Variants in GALNT13 observed in about 807,000 individuals in gnomAD.
The protein encoded by GALNT13 is UDP-GalNAc:polypeptide N-acetylgalactosaminyltransferase 13.
A neutral mutation model predicts 64.2 loss-of-function variants in GALNT13; 28 were observed. The ratio of observed to expected loss-of-function variants is 0.44; its 90% CI spans 0.32 to 0.60. GALNT13 has a LOEUF of 0.60. Among genes scored for constraint, GALNT13 ranks in the 20% least tolerant of loss-of-function variants. The probability of loss-of-function intolerance (pLI) is 0.05; values close to 1 mark genes in which losing one functional copy is unlikely to be tolerated. For missense variants in GALNT13, 577 were observed against 669.8 expected (o/e 0.86, Z 1.53); for synonymous variants, 214 against 224.6 (o/e 0.95, Z 0.42).
the GALNT13 span, among the ~76,000 whole-genome samples, chr2:153,345,646 T>TCTTC: frequency 2.5e-5 from 3 of 118,342 alleles, no homozygotes; most frequent in East Asian, 7.5e-4. Flanking sequence ...TTTCTTTCTT[T>TCTTC]CTTTCTTTCT....
At chr2:153,309,316 G>A in the GALNT13 span, among the ~76,000 whole-genome samples, 1 of 152,170 alleles carries the variant, frequency 6.6e-6, no homozygotes, top group South Asian at 2.1e-4. Context: ...ATTGATGTAA[G>A]AGTTAAGAGA....
chr2:153,117,726 C>G, the GALNT13 span, among the ~76,000 whole-genome samples: 2 of 152,244 alleles, frequency 1.3e-5, no homozygotes, highest in South Asian at 4.1e-4. Context: ...CTTGAATTTC[C>G]TGTAGACACC....
the GALNT13 span, among the ~76,000 whole-genome samples, chr2:153,449,075 G>T: frequency 3.9e-5 from 6 of 151,980 alleles, no homozygotes; most frequent in Non-Finnish European, 8.8e-5. Context: ...TCTCTCCTGT[G>T]CATGTACCAA....
chr2:153,557,319 C>T, the GALNT13 span, among the ~76,000 whole-genome samples: 1 of 152,178 alleles, frequency 6.6e-6, no homozygotes, highest in Admixed American at 6.5e-5. Flanking sequence ...GTTTGTGTAA[C>T]TATACTCTAT....
At chr2:153,852,835 C>T in the GALNT13 span, among the ~76,000 whole-genome samples, 1 of 152,094 alleles carries the variant, frequency 6.6e-6, no homozygotes, top group Non-Finnish European at 1.5e-5. Flanking sequence ...CACACAAAGG[C>T]TTGTTGTATT....
chr2:153,333,086 C>G, the GALNT13 span, among the ~76,000 whole-genome samples: 1 of 152,168 alleles, frequency 6.6e-6, no homozygotes, highest in African/African-American at 2.4e-5. Context: ...TGCTCCAGTC[C>G]CTGTCCAGAG....
the GALNT13 span, among the ~76,000 whole-genome samples, chr2:153,453,091 A>G: frequency 1.3e-5 from 2 of 152,132 alleles, no homozygotes; most frequent in Admixed American, 1.3e-4. Flanking sequence ...CTAGACCACT[A>G]CCTCTCACCA....
Position 154,318,208 on chromosome 2 carries a change from T to A in GALNT13, c.1156+16619T>A, listed in dbSNP as rs1051972877. Among the ~76,000 whole-genome samples the A allele has an allele frequency of 5.9e-5, 9 of 152,284 alleles. No homozygotes were observed. The South Asian group carries it at 1.9e-3, about 32-fold the overall frequency. On this transcript the variant is annotated intron_variant, in intron 9 of 12. Coordinates refer to ENST00000392825, the MANE Select transcript of GALNT13 (RefSeq NM_052917.4). ...GGCTTTATGATAATAAGAAGTCAAG[T>A]TCTAAATGGAATACTAATATTTCTA...
intron 3 of GALNT13, among the ~76,000 whole-genome samples, chr2:154,064,767 A>G (rs1262686071): frequency 6.6e-6 from 1 of 152,168 alleles, no homozygotes; most frequent in Non-Finnish European, 1.5e-5. Flanking sequence ...GGTAAGACTG[A>G]GACATGCTGG....
At chr2:154,225,197 C>T (rs12104517) in intron 4 of GALNT13, among the ~76,000 whole-genome samples, 11 of 97,826 alleles carry the variant, frequency 1.1e-4, no homozygotes, top group African/African-American at 3.2e-4. Context: ...TAGATAGATA[C>T]AGAGACTGAG....
chr2:154,209,078 G>T (rs2105795922), intron 4 of GALNT13, among the ~76,000 whole-genome samples: 2 of 151,664 alleles, frequency 1.3e-5, no homozygotes, highest in Non-Finnish European at 2.9e-5. Flanking sequence ...AGTGTTTTTG[G>T]TTAGAACAAC....
the GALNT13 span, among the ~76,000 whole-genome samples, chr2:153,367,622 A>G: frequency 6.6e-6 from 1 of 152,138 alleles, no homozygotes; most frequent in Non-Finnish European, 1.5e-5. Context: ...AGCCTCCAGA[A>G]GGACAAGCCT....
At chr2:153,337,085 C>T in the GALNT13 span, among the ~76,000 whole-genome samples, 1 of 152,088 alleles carries the variant, frequency 6.6e-6, no homozygotes, top group Admixed American at 6.6e-5. Flanking sequence ...ACCTCTTTTT[C>T]TTTCCAGTCT....
At chr2:153,571,639 T>G in the GALNT13 span, among the ~76,000 whole-genome samples, 1 of 151,984 alleles carries the variant, frequency 6.6e-6, no homozygotes, top group Non-Finnish European at 1.5e-5. Flanking sequence ...CCCAATTTTT[T>G]GAGGGCTTTA....
At chr2:153,646,823 A>G in the GALNT13 span, among the ~76,000 whole-genome samples, 1 of 152,114 alleles carries the variant, frequency 6.6e-6, no homozygotes, top group Non-Finnish European at 1.5e-5. Context: ...ATAGTATTCC[A>G]TGGTGTATAT....
chr2:153,873,444 GTC>G (rs1686132558), intron 1 of GALNT13, among the ~76,000 whole-genome samples: 1 of 152,226 alleles, frequency 6.6e-6, no homozygotes, highest in Admixed American at 6.5e-5. Context: ...CAGGAGGAGA[GTC>G]TGCCTCCCCA....
chr2:153,817,604 C>T, the GALNT13 span, among the ~76,000 whole-genome samples: 1 of 152,290 alleles, frequency 6.6e-6, no homozygotes, highest in Admixed American at 6.5e-5. Flanking sequence ...CTTGCTGATA[C>T]TGTTTTTGGA....
the GALNT13 span, among the ~76,000 whole-genome samples, chr2:153,262,054 T>C: frequency 5.9e-5 from 9 of 152,128 alleles, 1 homozygote; most frequent in African/African-American, 2.2e-4. Context: ...TCCTCTACTC[T>C]ACTATGGCCA....
chr2:154,174,622 T>G (rs1456333818), intron 4 of GALNT13, among the ~76,000 whole-genome samples: 1 of 152,174 alleles, frequency 6.6e-6, no homozygotes, highest in East Asian at 1.9e-4. Context: ...TTGGAGTGTT[T>G]GAGTTTATTA....
Sources: allele counts gnomAD v4.1 joint callset (sites outside exome capture counted in the v4.1 genomes callset), GRCh38; gene constraint gnomAD v4.1.1; transcripts MANE v1.5; gene names NCBI Gene and HGNC (gene_info 2026-07-23, HGNC 2026-07-21).